Variants in B3GALT1 observed in about 807,000 individuals in gnomAD.
The protein encoded by B3GALT1 is beta-1,3-galactosyltransferase 1.
A neutral mutation model predicts 23.2 loss-of-function variants in B3GALT1; 10 were observed. The observed-to-expected ratio is 0.43, with a 90% CI of 0.27 to 0.73. The LOEUF (loss-of-function observed/expected upper bound fraction) is 0.73. Ranked by LOEUF, B3GALT1 falls within the 30% of genes least tolerant of loss-of-function variation. The pLI is 0.21. For synonymous variants in B3GALT1, 156 were observed against 141.5 expected (o/e 1.10, Z -0.73); for missense variants, 299 against 405.4 (o/e 0.74, Z 2.25).
At chr2:167,448,406 ATTTTC>A (rs961390648) in intron 1 of B3GALT1, among the ~76,000 whole-genome samples, 1 of 151,340 alleles carries the variant, frequency 6.6e-6, no homozygotes, top group African/African-American at 2.4e-5. Context: ...ACATTTGTAT[ATTTTC>A]TTTTGAGAAT....
In B3GALT1 at chr2:167,477,937, AG is replaced by A. The variant is rs1270572064; in HGVS notation, c.-510-12238del. Among the ~76,000 whole-genome samples the A allele has an allele frequency of 3.3e-5, 5 of 152,350 alleles. No homozygotes were observed. In the East Asian group the frequency reaches 9.6e-4, roughly 29 times the overall value. On this transcript the variant is annotated intron_variant, in intron 1 of 4. Coordinates refer to ENST00000392690, the MANE Select transcript of B3GALT1 (RefSeq NM_020981.4). ...AATACTAACGATGTATGAATTTGAA[AG>A]GTCTATTTATTGTTTCAAACAAGAT...
chr2:167,302,846 CA>C (rs1287393167), intron 1 of B3GALT1, among the ~76,000 whole-genome samples: 1 of 152,038 alleles, frequency 6.6e-6, no homozygotes, highest in Non-Finnish European at 1.5e-5. Flanking sequence ...AATCCAAAAA[CA>C]AATATCATGG....
intron 1 of B3GALT1, among the ~76,000 whole-genome samples, chr2:167,365,439 A>G (rs976954102): frequency 6.6e-6 from 1 of 152,178 alleles, no homozygotes; most frequent in African/African-American, 2.4e-5. Flanking sequence ...AATTGGCTCT[A>G]GCATATCTGT....
chr2:167,343,160 T>C (rs1697175704), intron 1 of B3GALT1, among the ~76,000 whole-genome samples: 1 of 152,176 alleles, frequency 6.6e-6, no homozygotes, highest in Admixed American at 6.5e-5. Flanking sequence ...GGAAGCAGGT[T>C]GAGTGAAAAA....
chr2:167,813,911 A>C (rs1354918637), intron 3 of B3GALT1, among the ~76,000 whole-genome samples: 3 of 152,214 alleles, frequency 2.0e-5, no homozygotes, highest in Non-Finnish European at 4.4e-5. Context: ...AAATAGCTGG[A>C]GTGATTTTAA....
chr2:167,420,891 G>A (rs1698537487), intron 1 of B3GALT1, among the ~76,000 whole-genome samples: 2 of 152,134 alleles, frequency 1.3e-5, no homozygotes, highest in Non-Finnish European at 2.9e-5. Flanking sequence ...CAGATAGAAA[G>A]GGACATTATT....
intron 3 of B3GALT1, among the ~76,000 whole-genome samples, chr2:167,653,460 C>G (rs1685900582): frequency 6.6e-6 from 1 of 152,158 alleles, no homozygotes; most frequent in Non-Finnish European, 1.5e-5. Flanking sequence ...AGTAGCTTCA[C>G]TCCAAGCATC....
chr2:167,715,778 A>C, intron 3 of B3GALT1: 1 of 1,613,360 alleles, frequency 6.2e-7, no homozygotes, highest in Non-Finnish European at 8.5e-7. Flanking sequence ...AATAAGGCTA[A>C]ATTTTTCAAG....
At chr2:167,826,234 A>C (rs1038453490) in intron 4 of B3GALT1, among the ~76,000 whole-genome samples, 2 of 152,016 alleles carry the variant, frequency 1.3e-5, no homozygotes, top group African/African-American at 4.8e-5. Context: ...AGTCCTCTCT[A>C]CCACTCCACC....
rs529411874 is a variant in B3GALT1, at chr2:167,596,495, G to A, written c.-409-50414G>A. Among the ~76,000 whole-genome samples the A allele has an allele frequency of 2.0e-5, 3 of 152,244 alleles. No homozygotes were observed. The South Asian group carries it at 6.2e-4, about 32-fold the overall frequency. On this transcript the variant is annotated intron_variant, in intron 2 of 4. Transcript: ENST00000392690. ...CTCATTGTTCTCATCTGAAAAACAA[G>A]AATATTCCTACACACTTTAAGGATA...
chr2:167,594,459 T>G (rs921004043), intron 2 of B3GALT1, among the ~76,000 whole-genome samples: 4 of 152,208 alleles, frequency 2.6e-5, no homozygotes, highest in Non-Finnish European at 4.4e-5. Context: ...AGTAAAATAA[T>G]GCATATGGTC....
chr2:167,336,683 A>C (rs1697061278), intron 1 of B3GALT1, among the ~76,000 whole-genome samples: 1 of 152,138 alleles, frequency 6.6e-6, no homozygotes, highest in Admixed American at 6.5e-5. Flanking sequence ...TTAGCTATTT[A>C]TCAGTCTACA....
intron 2 of B3GALT1, among the ~76,000 whole-genome samples, chr2:167,622,473 C>T (rs772651962): frequency 6.6e-6 from 1 of 151,978 alleles, no homozygotes; most frequent in Non-Finnish European, 1.5e-5. Context: ...TATATGATGC[C>T]ACCATCTAAT....
chr2:167,497,794 T>C (rs1699800247), intron 2 of B3GALT1, among the ~76,000 whole-genome samples: 1 of 151,950 alleles, frequency 6.6e-6, no homozygotes, highest in South Asian at 2.1e-4. Context: ...AGGCCATTGA[T>C]GACCTTAGAG....
chr2:167,800,531 C>A (rs987419114), intron 3 of B3GALT1, among the ~76,000 whole-genome samples: 2 of 152,172 alleles, frequency 1.3e-5, no homozygotes, highest in African/African-American at 4.8e-5. Context: ...AAGTTCCAAC[C>A]TAAAAGAAAG....
At chr2:167,432,854 A>G (rs1019963406) in intron 1 of B3GALT1, among the ~76,000 whole-genome samples, 1 of 152,208 alleles carries the variant, frequency 6.6e-6, no homozygotes. Context: ...ACACATGCAT[A>G]GATAACCTCC....
At chr2:167,314,004 A>G (rs1205040415) in intron 1 of B3GALT1, among the ~76,000 whole-genome samples, 3 of 152,146 alleles carry the variant, frequency 2.0e-5, no homozygotes. Context: ...GCAAGATCAT[A>G]TCGTGTTATG....
chr2:167,620,430 AT>A (rs1324353572), intron 2 of B3GALT1, among the ~76,000 whole-genome samples: 2 of 151,994 alleles, frequency 1.3e-5, no homozygotes, highest in East Asian at 3.9e-4. Flanking sequence ...TTGGGATTGT[AT>A]TTTTTTCTGA....
At chr2:167,757,855 G>A (rs1687842197) in intron 3 of B3GALT1, among the ~76,000 whole-genome samples, 1 of 152,120 alleles carries the variant, frequency 6.6e-6, no homozygotes, top group African/African-American at 2.4e-5. Flanking sequence ...AAGGAAAAGA[G>A]CAAATTCCAC....
Sources: gnomAD v4.1 joint callset for allele counts (sites outside exome capture counted in the v4.1 genomes callset) on GRCh38, gnomAD v4.1.1 for gene constraint, MANE v1.5 for transcripts, NCBI Gene and HGNC (gene_info 2026-07-23, HGNC 2026-07-21) for gene names.